ATAD2B: variants seen among roughly 807,000 people sequenced by gnomAD.
ATAD2B encodes ATPase family AAA domain-containing protein 2B.
A neutral mutation model predicts 167.6 loss-of-function variants in ATAD2B; 40 were observed. The observed-to-expected ratio is 0.24, with a 90% CI of 0.19 to 0.31. The LOEUF is 0.31. Among genes scored for constraint, ATAD2B ranks in the 10% least tolerant of loss-of-function variants. The probability of loss-of-function intolerance (pLI) is 1.00; values close to 1 mark genes in which losing one functional copy is unlikely to be tolerated. For synonymous variants in ATAD2B, 579 were observed against 596.5 expected, an observed-to-expected ratio of 0.97 and a Z score of 0.43; for missense variants, 1,242 against 1,757.2, an observed-to-expected ratio of 0.71 and a Z score of 5.24.
At chr2:23,760,230 T>TATA (rs1323474472) in intron 24 of ATAD2B, among the ~76,000 whole-genome samples, 1 of 152,244 alleles carries the variant, frequency 6.6e-6, no homozygotes, top group Non-Finnish European at 1.5e-5. Flanking sequence ...TAATGGTTGG[T>TATA]ATAATTTTGG....
At chr2:23,684,329 A>G in the ATAD2B span, 1 of 1,195,258 alleles carries the variant, frequency 8.4e-7, no homozygotes, top group East Asian at 2.9e-5. The surrounding 1 kb of genome is among the most constrained non-coding windows in gnomAD (Gnocchi z 4.4). Flanking sequence ...AAGAAAAAAA[A>G]CTTTTTTTAA....
chr2:23,713,094 A>G, the ATAD2B span, among the ~76,000 whole-genome samples: 1 of 152,278 alleles, frequency 6.6e-6, no homozygotes, highest in Non-Finnish European at 1.5e-5. Context: ...AGGTTGGTGC[A>G]CAAGTAATGG....
intron 22 of ATAD2B, among the ~76,000 whole-genome samples, chr2:23,772,130 C>T (rs1678420572): frequency 6.7e-6 from 1 of 148,810 alleles, no homozygotes; most frequent in South Asian, 2.2e-4. Flanking sequence ...ATATTTTGTT[C>T]ATTTTTTTTT....
chr2:23,770,299 G>C (rs1184291262), intron 22 of ATAD2B, among the ~76,000 whole-genome samples: 1 of 147,786 alleles, frequency 6.8e-6, no homozygotes, highest in Non-Finnish European at 1.5e-5. Flanking sequence ...CTAGGTGACA[G>C]AGCAACTCTG....
At chr2:23,771,626 A>T (rs185626557) in intron 22 of ATAD2B, among the ~76,000 whole-genome samples, 1 of 151,910 alleles carries the variant, frequency 6.6e-6, no homozygotes. Context: ...TACTTGGCCT[A>T]TATGTTTTTT....
chr2:23,700,459 C>G, the ATAD2B span, among the ~76,000 whole-genome samples: 1 of 152,150 alleles, frequency 6.6e-6, no homozygotes. The surrounding 1 kb of genome is among the most constrained non-coding windows in gnomAD (Gnocchi z 4.6). Flanking sequence ...GGAGGAGATT[C>G]CAGAGAATGG....
At chr2:23,883,893 T>C (rs1360679154) in intron 6 of ATAD2B, among the ~76,000 whole-genome samples, 1 of 152,080 alleles carries the variant, frequency 6.6e-6, no homozygotes, top group African/African-American at 2.4e-5. Context: ...CCTGTAATGC[T>C]AGCACTTTGG....
the ATAD2B span, among the ~76,000 whole-genome samples, chr2:23,714,877 T>C: frequency 6.6e-6 from 1 of 151,732 alleles, no homozygotes; most frequent in East Asian, 2.0e-4. Context: ...GAAAAATATA[T>C]GTATTTTTAT....
In ATAD2B at chr2:23,810,583, T is replaced by C. The variant is rs1390810930; in HGVS notation, c.2268-81A>G. The C allele has an allele frequency of 6.5e-6, 7 of 1,083,092 alleles. No homozygotes were observed. The East Asian group carries it at 1.7e-4, about 27-fold the overall frequency. The allele number at this position is 1,083,092 out of a possible 1,614,324, so 67.1% of individuals were successfully genotyped here. ...TGAAATATCAGGCAAAATTTTTACATTAAAACAATTTAACTCCAAATTAAC... is the reference window on the plus strand; with the variant it reads ...TGAAATATCAGGCAAAATTTTTACACTAAAACAATTTAACTCCAAATTAAC... On this transcript the variant is annotated intron_variant, in intron 17 of 27. Coordinates refer to ENST00000238789, the MANE Select transcript of ATAD2B (RefSeq NM_017552.4).
intron 18 of ATAD2B, among the ~76,000 whole-genome samples, chr2:23,799,108 A>G (rs1400458780): frequency 6.6e-6 from 1 of 152,194 alleles, no homozygotes; most frequent in Non-Finnish European, 1.5e-5. Context: ...CAACAGTTTA[A>G]TATCCCACCA....
intron 13 of ATAD2B, 60 bp from the exon 14 acceptor site, chr2:23,834,138 G>A (rs1022680907): frequency 1.3e-5 from 4 of 300,460 alleles, no homozygotes; most frequent in East Asian, 7.7e-5. Context: ...TTACAATAAC[G>A]TTTATCAGTC....
At chr2:23,711,342 C>CTTTTTTTTTTTTTT in the ATAD2B span, among the ~76,000 whole-genome samples, 6 of 79,792 alleles carry the variant, frequency 7.5e-5, no homozygotes, top group African/African-American at 9.9e-5. Context: ...GAATTTCTTT[C>CTTTTTTTTTTTTTT]TTTTTTTTTT....
rs1280352776 is a variant in ATAD2B at position 23,857,397 on chromosome 2, C to T, written c.1568+18G>A. 2.1e-6 allele frequency: 3 copies of T among 1,395,416 alleles called. No homozygotes were observed. The highest frequency in any genetic ancestry group is 5.2e-5 in the East Asian group (2 of 38,694). 86.4% of individuals were successfully genotyped at this position (1,395,416 alleles called of 1,614,324 possible). The stretch of plus-strand genomic sequence containing the variant: ...TGCGTAAAAAAGAAATCAAGATAAT[C>T]AGATAAAGAAAAATTACCTGTGGAT... On this transcript the variant is annotated intron_variant, in intron 13 of 27. Coordinates refer to ENST00000238789, the MANE Select transcript of ATAD2B (RefSeq NM_017552.4).
At chr2:23,913,643 A>G (rs1262852298) in intron 1 of ATAD2B, among the ~76,000 whole-genome samples, 4 of 151,812 alleles carry the variant, frequency 2.6e-5, no homozygotes, top group Non-Finnish European at 5.9e-5. Context: ...CTCTTGAGAA[A>G]AAAAAAAAAA....
intron 25 of ATAD2B, chr2:23,754,991 A>C: frequency 2.4e-6 from 1 of 416,942 alleles, no homozygotes; most frequent in South Asian, 3.7e-5. Context: ...CAACTTAAAA[A>C]GCCAAGTCAT....
chr2:23,756,297 A>G (rs1010365429), intron 25 of ATAD2B, among the ~76,000 whole-genome samples: 62 of 152,330 alleles, frequency 4.1e-4, no homozygotes, highest in African/African-American at 1.4e-3. Flanking sequence ...GCATTTAAGA[A>G]CAGTAAATTT....
intron 25 of ATAD2B, 145 bp downstream of exon 25, chr2:23,757,273 T>C: frequency 3.2e-6 from 2 of 634,332 alleles, no homozygotes; most frequent in Non-Finnish European, 4.8e-6. Flanking sequence ...TGTGTGCTTT[T>C]CTAGAGAATA....
At chr2:23,856,560 T>C in intron 13 of ATAD2B, 1 of 215,052 alleles carries the variant, frequency 4.7e-6, no homozygotes, top group Non-Finnish European at 1.1e-5. Flanking sequence ...GAATAAAATA[T>C]TAGCATACAT....
Position 23,786,234 on chromosome 2 carries a change from C to T in ATAD2B, c.2777-11G>A, listed in dbSNP as rs920806866. On this transcript the variant is annotated splice_polypyrimidine_tract_variant and intron_variant, in intron 20 of 27. Transcript: ENST00000238789. The stretch of plus-strand genomic sequence containing the variant: ...CCATAGCACAAAGAGCTAGAGAAAA[C>T]AGAAGAAAATGTTAAGATTCCAACG... The T allele has an allele frequency of 1.9e-6, 3 of 1,552,022 alleles. No individual in the cohort carries two copies. In the African/African-American group the frequency reaches 4.1e-5, roughly 21 times the overall value.
Sources: allele counts gnomAD v4.1 joint callset (sites outside exome capture counted in the v4.1 genomes callset), GRCh38; gene constraint gnomAD v4.1.1; non-coding constraint Gnocchi (gnomAD v3.1); transcripts MANE v1.5; gene names NCBI Gene and HGNC (gene_info 2026-07-23, HGNC 2026-07-21).